Variants in CCDC91 observed in about 807,000 individuals in gnomAD.
The protein encoded by CCDC91 is coiled-coil domain containing 91.
CCDC91 carries 48 observed loss-of-function variants against 63.2 expected under a neutral mutation model. The ratio of observed to expected loss-of-function variants is 0.76; its 90% CI spans 0.60 to 0.97. The LOEUF (loss-of-function observed/expected upper bound fraction) is 0.97. CCDC91 is among the 50% of genes least tolerant of loss of function. The pLI is 0.00. For synonymous variants in CCDC91, 167 were observed against 165.8 expected, an observed-to-expected ratio of 1.01 and a Z score of -0.06; for missense variants, 500 against 494.6, an observed-to-expected ratio of 1.01 and a Z score of -0.10.
intron 12 of CCDC91, among the ~76,000 whole-genome samples, chr12:28,509,891 T>C (rs763610125): frequency 1.3e-5 from 2 of 152,080 alleles, no homozygotes; most frequent in Admixed American, 6.6e-5. Flanking sequence ...CCCATAGATA[T>C]GAAATCCATA....
chr12:28,259,464 GGTTTT>G (rs2136197632), intron 3 of CCDC91, 22 bp downstream of exon 3: 25 of 1,094,738 alleles, frequency 2.3e-5, no homozygotes, highest in African/African-American at 3.3e-5. Flanking sequence ...CAGGAATTAG[GGTTTT>G]TTTTTTTTTT....
At chr12:28,433,064 C>G (rs1172943084) in intron 8 of CCDC91, among the ~76,000 whole-genome samples, 1 of 151,642 alleles carries the variant, frequency 6.6e-6, no homozygotes, top group Non-Finnish European at 1.5e-5. Context: ...TTAAGTCAGG[C>G]CTTTTTTTGT....
intron 3 of CCDC91, among the ~76,000 whole-genome samples, chr12:28,260,021 A>G (rs539017704): frequency 2.6e-5 from 4 of 152,076 alleles, no homozygotes; most frequent in Admixed American, 1.3e-4. Flanking sequence ...ATTTTCTTCA[A>G]CAGCTCTGCC....
chr12:28,307,552 C>T lies in CCDC91; in HGVS notation c.472-93C>T, dbSNP rs1643953395. The T allele has an allele frequency of 9.5e-6, 6 of 633,004 alleles. No individual in the cohort carries two copies. In the South Asian group the frequency reaches 1.4e-4, roughly 15 times the overall value. The allele number at this position is 633,004 out of a possible 1,614,324, so 39.2% of individuals were successfully genotyped here. A position where few individuals can be genotyped will look rare whatever the true frequency, so the allele number is the denominator to read the frequency against. On this transcript the variant is annotated intron_variant, in intron 5 of 12. Coordinates refer to ENST00000536442, the MANE Select transcript of CCDC91 (RefSeq NM_018318.5). ...GCCGTACTTCCCATGGATTCTTTCT[C>T]TGACAAATGTTTTCTGACATGTTCA...
At chr12:28,313,712 T>C (rs1939557056) in intron 6 of CCDC91, among the ~76,000 whole-genome samples, 1 of 151,986 alleles carries the variant, frequency 6.6e-6, no homozygotes. Flanking sequence ...TATAGTACAA[T>C]GGGGGTGTGT....
At chr12:28,276,731 C>G (rs1948254483) in intron 3 of CCDC91, among the ~76,000 whole-genome samples, 1 of 151,692 alleles carries the variant, frequency 6.6e-6, no homozygotes, top group Non-Finnish European at 1.5e-5. Flanking sequence ...TTTAACTGGT[C>G]AAATTTACTT....
chr12:28,422,077 A>G (rs756184830), intron 8 of CCDC91, among the ~76,000 whole-genome samples: 37 of 152,152 alleles, frequency 2.4e-4, no homozygotes, highest in Non-Finnish European at 4.1e-4. Context: ...CTGTACTTGC[A>G]TCAATCACTC....
At chr12:28,497,321 G>A (rs1952357672) in intron 12 of CCDC91, among the ~76,000 whole-genome samples, 1 of 151,480 alleles carries the variant, frequency 6.6e-6, no homozygotes, top group Non-Finnish European at 1.5e-5. Context: ...AAAATAATGA[G>A]AAACTAGACA....
rs966339817 is a variant in CCDC91, at chr12:28,502,302, A to G, written c.1215+18137A>G. On this transcript the variant is annotated intron_variant, in intron 12 of 12. Transcript: ENST00000536442. Reference sequence around the variant, plus strand: ...ATACACCAATAACAGACAAACAGAGAGCCAAATCATGAGTGAACTCCCATT... The same window carrying G: ...ATACACCAATAACAGACAAACAGAGGGCCAAATCATGAGTGAACTCCCATT... 2.8e-4 allele frequency among the ~76,000 whole-genome samples: 42 copies of G among 152,112 alleles called. 1 individual carries two copies. Among genetic ancestry groups the G allele is most frequent in the African/African-American group, 9.9e-4 (41 of 41,556 alleles).
chr12:28,225,231 T>G, intron 1 of CCDC91, among the ~76,000 whole-genome samples: 1 of 152,328 alleles, frequency 6.6e-6, no homozygotes, highest in East Asian at 1.9e-4. Flanking sequence ...TAAATTCTTG[T>G]GCCATTTTCC....
At chr12:28,307,822 A>G (rs1938903668) in intron 6 of CCDC91, 73 bp downstream of exon 6, 2 of 769,288 alleles carry the variant, frequency 2.6e-6, no homozygotes, top group Non-Finnish European at 4.5e-6. Context: ...CAAAAAGTGC[A>G]TAATGAATAT....
At chr12:28,298,712 A>G (rs1375094184) in intron 3 of CCDC91, among the ~76,000 whole-genome samples, 1 of 146,824 alleles carries the variant, frequency 6.8e-6, no homozygotes, top group Non-Finnish European at 1.5e-5. Context: ...TTATGTTAGC[A>G]TTTCCTTGAT....
At chr12:28,214,819 T>C (rs1377019145) in intron 1 of CCDC91, among the ~76,000 whole-genome samples, 3 of 152,180 alleles carry the variant, frequency 2.0e-5, no homozygotes, top group Non-Finnish European at 4.4e-5. Context: ...GGTGGAATTA[T>C]GACCTTGTTA....
chr12:28,247,575 G>T (rs1476103399), intron 1 of CCDC91, among the ~76,000 whole-genome samples: 1 of 152,092 alleles, frequency 6.6e-6, no homozygotes, highest in Non-Finnish European at 1.5e-5. Flanking sequence ...GGAACACTTA[G>T]GTTGCAGAGT....
chr12:28,272,355 A>T (rs771796361), intron 3 of CCDC91, among the ~76,000 whole-genome samples: 3 of 150,824 alleles, frequency 2.0e-5, no homozygotes, highest in Non-Finnish European at 4.4e-5. Flanking sequence ...GTTTTTACCA[A>T]TGTTGTTGTT....
intron 7 of CCDC91, among the ~76,000 whole-genome samples, chr12:28,375,178 TAAACCATGGA>T (rs1944868706): frequency 6.6e-6 from 1 of 151,940 alleles, no homozygotes; most frequent in Non-Finnish European, 1.5e-5. Flanking sequence ...AGTGATGGAA[TAAACCATGGA>T]ACCTATTCAT....
At chr12:28,402,311 A>T (rs73265410) in intron 8 of CCDC91, among the ~76,000 whole-genome samples, 4,247 of 152,214 alleles carry the variant, frequency 0.028, 167 homozygotes, top group African/African-American at 0.092. Context: ...GATTTCTTTC[A>T]TCAGAGTTTT....
chr12:28,287,886 G>A (rs371427727), intron 3 of CCDC91, among the ~76,000 whole-genome samples: 1 of 152,136 alleles, frequency 6.6e-6, no homozygotes, highest in African/African-American at 2.4e-5. Context: ...TTTGAGCAGT[G>A]TTTTGTATTT....
intron 3 of CCDC91, among the ~76,000 whole-genome samples, chr12:28,296,566 A>G (rs762106672): frequency 1.3e-5 from 2 of 151,698 alleles, no homozygotes; most frequent in Non-Finnish European, 3.0e-5. Flanking sequence ...TTTTCCTTCA[A>G]TTTCCAACCT....
Sources: allele counts gnomAD v4.1 joint callset (sites outside exome capture counted in the v4.1 genomes callset), GRCh38; gene constraint gnomAD v4.1.1; transcripts MANE v1.5; gene names NCBI Gene and HGNC (gene_info 2026-07-23, HGNC 2026-07-21).